PTPN1: variants seen among roughly 807,000 people sequenced by gnomAD.
PTPN1 encodes protein tyrosine phosphatase non-receptor type 1.
PTPN1 carries 12 observed loss-of-function variants against 59.9 expected under a neutral mutation model. The ratio of observed to expected loss-of-function variants is 0.20; its 90% confidence interval spans 0.13 to 0.32. The LOEUF is 0.32. Ranked by LOEUF, PTPN1 falls within the 10% of genes least tolerant of loss-of-function variation. The pLI, the probability that PTPN1 is intolerant of heterozygous loss-of-function variation, is 1.00. For missense variants in PTPN1, 356 were observed against 549.2 expected, an observed-to-expected ratio of 0.65 and a Z score of 3.52; for synonymous variants, 178 against 203.6, an observed-to-expected ratio of 0.87 and a Z score of 1.07.
intron 5 of PTPN1, chr20:50,578,102 T>G: frequency 4.5e-6 from 1 of 224,180 alleles, no homozygotes; most frequent in South Asian, 7.2e-5. Flanking sequence ...AGCATCATTG[T>G]GACTCGTGAG....
chr20:50,531,677 G>A (rs766513240), intron 1 of PTPN1, among the ~76,000 whole-genome samples: 1 of 152,148 alleles, frequency 6.6e-6, no homozygotes, highest in Non-Finnish European at 1.5e-5. Context: ...GTGCCTGGCA[G>A]GGAGTCTTAT....
intron 4 of PTPN1, among the ~76,000 whole-genome samples, chr20:50,570,752 C>T (rs1240522386): frequency 1.3e-5 from 2 of 152,108 alleles, no homozygotes; most frequent in South Asian, 2.1e-4. Context: ...CTGTGCTGGG[C>T]GCTGTAGGAA....
intron 1 of PTPN1, among the ~76,000 whole-genome samples, chr20:50,526,100 TGC>T (rs761008164): frequency 6.6e-6 from 1 of 152,168 alleles, no homozygotes; most frequent in Non-Finnish European, 1.5e-5. Flanking sequence ...TGTGTGTGTG[TGC>T]GCGTGCAGAT....
chr20:50,574,786 C>T (rs1350679394), intron 5 of PTPN1, 132 bp downstream of exon 5: 3 of 1,210,216 alleles, frequency 2.5e-6, no homozygotes, highest in Non-Finnish European at 3.5e-6. Context: ...GTGGTTTGGG[C>T]ACTGTGGTGA....
In PTPN1 at chr20:50,579,762, A is replaced by C. The variant is rs920602502; in HGVS notation, c.924A>C (p.Pro308=). The part of the protein sequence containing the change: ...DLEPPPEHIP[P]PPRPPKRILE... ...AGCCCCCACCCGAGCATATCCCCCC[A>C]CCTCCCCGGCCACCCAAACGAATCC... The change falls in exon 8 of 10, where the codon CCA becomes CCC. Residue 308 remains proline, a synonymous_variant. Transcript: ENST00000371621. 1 of 1,611,308 alleles carries C rather than the reference A, an allele frequency of 6.2e-7. No homozygotes were observed. Among genetic ancestry groups the C allele is most frequent in the African/African-American group, 1.3e-5 (1 of 74,310 alleles).
intron 1 of PTPN1, among the ~76,000 whole-genome samples, chr20:50,553,288 A>C (rs1468996237): frequency 6.6e-6 from 1 of 152,238 alleles, no homozygotes; most frequent in Non-Finnish European, 1.5e-5. Flanking sequence ...CGCTAGGATG[A>C]ACTTTCTGCC....
chr20:50,523,686 C>T (rs2082561101), intron 1 of PTPN1, among the ~76,000 whole-genome samples: 1 of 152,188 alleles, frequency 6.6e-6, no homozygotes, highest in Non-Finnish European at 1.5e-5. Context: ...AGTAGTCCAG[C>T]AGACAAAGTG....
Position 50,582,979 on chromosome 20 carries a change from C to T in PTPN1, c.*264C>T, listed in dbSNP as rs17847901. 16 of 538,432 alleles carry T rather than the reference C, an allele frequency of 3.0e-5. No individual in the cohort carries two copies. In the Middle Eastern group the frequency reaches 1.5e-3, roughly 50 times the overall value. The allele number at this position is 538,432 out of a possible 1,614,324, so 33.4% of individuals were successfully genotyped here. On this transcript the variant is annotated 3_prime_UTR_variant, in exon 10 of 10. Coordinates refer to ENST00000371621, the MANE Select transcript of PTPN1 (RefSeq NM_002827.4). This position sits in a 1 kb window ranked among gnomAD's most constrained non-coding sequence, Gnocchi z 4.2. ...AGAGTGAAAGAGAGTACCATGCTGG[C>T]GGCGCAGAGGGAAGGGGCCTACACC...
At chr20:50,561,278 G>A in intron 1 of PTPN1, 85 bp from the exon 2 acceptor site, 1 of 1,033,132 alleles carries the variant, frequency 9.7e-7, no homozygotes, top group East Asian at 2.4e-5. Flanking sequence ...TTCCCATATT[G>A]CCCGGCTCTC....
Position 50,579,768 on chromosome 20 carries a change from C to A in PTPN1, c.930C>A (p.Pro310=). Reference sequence around the variant, plus strand: ...CACCCGAGCATATCCCCCCACCTCCCCGGCCACCCAAACGAATCCTGGAGC... The same window carrying A: ...CACCCGAGCATATCCCCCCACCTCCACGGCCACCCAAACGAATCCTGGAGC... ...EPPPEHIPPP[P]RPPKRILEPH... is the part of the protein sequence containing the mutation. Residue 310 remains proline, a synonymous_variant, in exon 8 of 10, where the codon CCC becomes CCA. Transcript: ENST00000371621. The A allele has an allele frequency of 6.2e-7, 1 of 1,613,792 alleles. No homozygotes were observed. The highest frequency in any genetic ancestry group is 2.2e-5 in the East Asian group (1 of 44,878).
chr20:50,526,016 T>A (rs2082573620), intron 1 of PTPN1, among the ~76,000 whole-genome samples: 1 of 152,142 alleles, frequency 6.6e-6, no homozygotes, highest in South Asian at 2.1e-4. Context: ...CCAGTTTGAT[T>A]ATGCTTTTGT....
chr20:50,548,429 C>CT (rs11477964), intron 1 of PTPN1, among the ~76,000 whole-genome samples: 361 of 144,228 alleles, frequency 2.5e-3, no homozygotes, highest in Non-Finnish European at 2.4e-3. Flanking sequence ...TTATTTGATT[C>CT]TTTTTTTTTT....
chr20:50,543,420 A>G (rs1342655543), intron 1 of PTPN1, among the ~76,000 whole-genome samples: 6 of 152,198 alleles, frequency 3.9e-5, no homozygotes, highest in Non-Finnish European at 8.8e-5. Flanking sequence ...TTAAAAACCA[A>G]CTCTATCTAA....
chr20:50,518,338 T>C (rs2082537756), intron 1 of PTPN1, among the ~76,000 whole-genome samples: 1 of 152,254 alleles, frequency 6.6e-6, no homozygotes, highest in Admixed American at 6.5e-5. Context: ...AAGTCACTTC[T>C]GAATATAACT....
rs2082791654 is a variant in PTPN1, at chr20:50,568,772, CAG to C, written c.354+295_354+296del. ...TGTGCTGCCTGTGCGGCTCTCATCACAGTGTGGAGTTGTGTGTGGAGTTATGG... is the reference window on the plus strand; with the variant it reads ...TGTGCTGCCTGTGCGGCTCTCATCACTGTGGAGTTGTGTGTGGAGTTATGG... On this transcript the variant is annotated intron_variant, in intron 4 of 9. Transcript: ENST00000371621. This position sits in a 1 kb window ranked among gnomAD's most constrained non-coding sequence, Gnocchi z 5.6. Among the ~76,000 whole-genome samples, 2 of 152,184 alleles carry C rather than the reference CAG, an allele frequency of 1.3e-5. No homozygotes were observed. The highest frequency in any genetic ancestry group is 1.3e-4 in the Admixed American group (2 of 15,282).
chr20:50,580,572 C>T lies in PTPN1; in HGVS notation c.1088+646C>T, dbSNP rs546175227. ...GCTGCTTGCAGTAGGTGGCCGTGCA[C>T]GGAAAGTTTGCAGAATGAGCAGGTG... On this transcript the variant is annotated intron_variant, in intron 8 of 9. Transcript: ENST00000371621. Among the ~76,000 whole-genome samples the T allele has an allele frequency of 2.6e-5, 4 of 152,218 alleles. No individual in the cohort carries two copies. The South Asian group carries it at 8.3e-4, about 32-fold the overall frequency.
chr20:50,549,435 G>A (rs1171741427), intron 1 of PTPN1, among the ~76,000 whole-genome samples: 5 of 152,072 alleles, frequency 3.3e-5, no homozygotes, highest in Admixed American at 3.3e-4. Flanking sequence ...AGTTTTCCAA[G>A]TGCACATAAT....
intron 1 of PTPN1, among the ~76,000 whole-genome samples, chr20:50,531,927 A>C (rs1490796631): frequency 2.6e-5 from 4 of 152,198 alleles, no homozygotes; most frequent in African/African-American, 4.8e-5. Context: ...GCTGCAGGGC[A>C]TGTGGTGTTG....
At chr20:50,527,263 C>G (rs2082580515) in intron 1 of PTPN1, among the ~76,000 whole-genome samples, 1 of 152,160 alleles carries the variant, frequency 6.6e-6, no homozygotes, top group Admixed American at 6.6e-5. Context: ...AAATAGGTCA[C>G]TCTGCCCATC....
Sources: allele counts gnomAD v4.1 joint callset (sites outside exome capture counted in the v4.1 genomes callset), GRCh38; gene constraint gnomAD v4.1.1; non-coding constraint Gnocchi (gnomAD v3.1); transcripts MANE v1.5; gene names NCBI Gene and HGNC (gene_info 2026-07-23, HGNC 2026-07-21).